Variants in ANO4 observed in about 807,000 individuals in gnomAD.
ANO4 encodes the protein anoctamin-4.
In ANO4, 69 loss-of-function variants were observed where a neutral mutation model predicts 141.9. That is an observed-to-expected ratio of 0.49 (90% CI 0.40 to 0.59). The LOEUF is 0.59. Ranked by LOEUF, ANO4 falls within the 20% of genes least tolerant of loss-of-function variation. The pLI is 0.00. For synonymous variants in ANO4, 350 were observed against 394.3 expected, an observed-to-expected ratio of 0.89 and a Z score of 1.33; for missense variants, 894 against 1,162.2, an observed-to-expected ratio of 0.77 and a Z score of 3.36.
intron 9 of ANO4, among the ~76,000 whole-genome samples, chr12:101,022,289 A>G (rs1018922516): frequency 2.6e-5 from 4 of 152,146 alleles, no homozygotes; most frequent in East Asian, 1.9e-4. Flanking sequence ...CATTCCTTCA[A>G]TAAAGTCCTC....
intron 26 of ANO4, among the ~76,000 whole-genome samples, chr12:101,126,478 T>C (rs1406725845): frequency 6.6e-6 from 1 of 152,142 alleles, no homozygotes; most frequent in African/African-American, 2.4e-5. Flanking sequence ...CATTTTCTCA[T>C]AATTCTCACA....
intron 14 of ANO4, chr12:101,068,793 G>A (rs1566202424): frequency 2.4e-6 from 3 of 1,230,076 alleles, no homozygotes; most frequent in East Asian, 4.7e-5. Flanking sequence ...CTTTAGAAGA[G>A]CCCACAGTCA....
intron 1 of ANO4, among the ~76,000 whole-genome samples, chr12:100,810,389 G>T (rs1013980242): frequency 6.6e-6 from 1 of 152,156 alleles, no homozygotes; most frequent in Non-Finnish European, 1.5e-5. Context: ...GAGTGGTGGA[G>T]GAGGTGGCTT....
chr12:100,925,945 C>T (rs975175446), intron 3 of ANO4, among the ~76,000 whole-genome samples: 3 of 151,522 alleles, frequency 2.0e-5, no homozygotes, highest in Non-Finnish European at 4.4e-5. Context: ...TCTTGAGTGT[C>T]TGGGGTAGGC....
chr12:100,882,858 C>T (rs1442548260), intron 1 of ANO4, among the ~76,000 whole-genome samples: 1 of 151,466 alleles, frequency 6.6e-6, no homozygotes, highest in Admixed American at 6.6e-5. Context: ...CGCCACTGTG[C>T]CTGGCTAAGT....
chr12:101,033,523 C>T (rs896092993), intron 9 of ANO4, among the ~76,000 whole-genome samples: 5 of 151,680 alleles, frequency 3.3e-5, no homozygotes, highest in African/African-American at 1.2e-4. Flanking sequence ...TGTAAAACCC[C>T]AAACCATAAA....
At chr12:100,724,330 T>C (rs2031008253) in intron 1 of ANO4, among the ~76,000 whole-genome samples, 1 of 152,186 alleles carries the variant, frequency 6.6e-6, no homozygotes, top group African/African-American at 2.4e-5. Flanking sequence ...TTGGCAAACA[T>C]TTCTTGTGCC....
chr12:100,943,210 A>G (rs1039801388), intron 5 of ANO4, among the ~76,000 whole-genome samples: 3 of 152,230 alleles, frequency 2.0e-5, no homozygotes, highest in Non-Finnish European at 4.4e-5. Flanking sequence ...TACTGTGCAC[A>G]TTTGTAGAAC....
intron 3 of ANO4, among the ~76,000 whole-genome samples, chr12:100,771,721 T>A (rs2033309756): frequency 6.6e-6 from 1 of 151,792 alleles, no homozygotes; most frequent in Non-Finnish European, 1.5e-5. Context: ...GACAAGGAGG[T>A]CTTGTTAGAA....
At chr12:100,994,887 A>T (rs1186413917) in intron 8 of ANO4, among the ~76,000 whole-genome samples, 1 of 152,140 alleles carries the variant, frequency 6.6e-6, no homozygotes, top group Admixed American at 6.6e-5. Flanking sequence ...TAATTTGACA[A>T]CGTCTAGAAA....
intron 8 of ANO4, among the ~76,000 whole-genome samples, chr12:100,988,649 G>T (rs2044855315): frequency 6.6e-6 from 1 of 151,868 alleles, no homozygotes; most frequent in African/African-American, 2.4e-5. Flanking sequence ...GAGGCAGGCA[G>T]ATCACGAGGT....
chr12:100,853,226 TCTC>T (rs2037976083), intron 1 of ANO4, among the ~76,000 whole-genome samples: 1 of 152,184 alleles, frequency 6.6e-6, no homozygotes, highest in African/African-American at 2.4e-5. Context: ...GCAAACATCT[TCTC>T]CTAATAAGTA....
intron 8 of ANO4, among the ~76,000 whole-genome samples, chr12:100,999,348 C>T (rs1946408269): frequency 6.6e-6 from 1 of 152,210 alleles, no homozygotes; most frequent in Non-Finnish European, 1.5e-5. Flanking sequence ...GTCCTTCTCA[C>T]ATCACATCAC....
intron 1 of ANO4, among the ~76,000 whole-genome samples, chr12:100,848,164 A>G (rs1262356039): frequency 6.6e-6 from 1 of 152,100 alleles, no homozygotes; most frequent in Non-Finnish European, 1.5e-5. Context: ...GGACTTATAA[A>G]TGTTCCCCTT....
chr12:100,919,670 C>CTGTGTGTGTG (rs63330161), intron 2 of ANO4, among the ~76,000 whole-genome samples: 65 of 139,862 alleles, frequency 4.6e-4, no homozygotes, highest in African/African-American at 1.7e-3. Flanking sequence ...GGACATGTCT[C>CTGTGTGTGTG]TGTGTGTGTG....
chr12:101,044,902 G>T (rs1344965485), intron 13 of ANO4, among the ~76,000 whole-genome samples: 2 of 152,164 alleles, frequency 1.3e-5, no homozygotes, highest in Non-Finnish European at 2.9e-5. Flanking sequence ...CAAGAGCTTT[G>T]TCAGTAATAT....
intron 22 of ANO4, among the ~76,000 whole-genome samples, chr12:101,104,959 C>G (rs79799787): frequency 1.3e-5 from 2 of 152,064 alleles, no homozygotes. Context: ...TATGTACATA[C>G]AAGTTGGATT....
chr12:100,865,954 T>C (rs1300030984), intron 1 of ANO4, among the ~76,000 whole-genome samples: 3 of 152,110 alleles, frequency 2.0e-5, no homozygotes, highest in East Asian at 3.9e-4. Context: ...GGAAAGCCAC[T>C]GGGGTAGTAA....
chr12:101,063,460 A>G (rs2048433588), intron 14 of ANO4, among the ~76,000 whole-genome samples: 1 of 152,148 alleles, frequency 6.6e-6, no homozygotes, highest in South Asian at 2.1e-4. Flanking sequence ...GAGTGTTGCA[A>G]TATTTGATTT....
Sources: gnomAD v4.1 joint callset for allele counts (sites outside exome capture counted in the v4.1 genomes callset) on GRCh38, gnomAD v4.1.1 for gene constraint, MANE v1.5 for transcripts, NCBI Gene and HGNC (gene_info 2026-07-23, HGNC 2026-07-21) for gene names.